ARSG: variants seen among roughly 807,000 people sequenced by gnomAD.
ARSG encodes ASG.
A neutral mutation model predicts 50.5 loss-of-function variants in ARSG; 37 were observed. The observed-to-expected ratio is 0.73, with a 90% CI of 0.56 to 0.96. The LOEUF (loss-of-function observed/expected upper bound fraction) is 0.96. ARSG is among the 50% of genes least tolerant of loss of function. The pLI is 0.00. For synonymous variants in ARSG, 225 were observed against 254.6 expected (o/e 0.88, Z 1.11); for missense variants, 629 against 675.3 (o/e 0.93, Z 0.76).
intron 6 of ARSG, among the ~76,000 whole-genome samples, chr17:68,358,445 T>C (rs1483988543): frequency 6.6e-6 from 1 of 151,906 alleles, no homozygotes; most frequent in Non-Finnish European, 1.5e-5. Flanking sequence ...TCCCAGCACT[T>C]TGGGAGGCCA....
At chr17:68,292,441 A>G (rs189227973) in intron 1 of ARSG, among the ~76,000 whole-genome samples, 3 of 152,272 alleles carry the variant, frequency 2.0e-5, no homozygotes, top group African/African-American at 7.2e-5. Flanking sequence ...GATCCTAGAC[A>G]TTTCAGAGCC....
intron 1 of ARSG, chr17:68,274,234 G>A: frequency 1.6e-6 from 1 of 635,038 alleles, no homozygotes; most frequent in Non-Finnish European, 2.6e-6. Context: ...GGGAGGTTGA[G>A]GACGGAGGAT....
Position 68,367,119 on chromosome 17 carries a change from A to G in ARSG, c.705-1429A>G, listed in dbSNP as rs889210005. ...CATTAATTTAAATCTAAATAGGTAC[A>G]TGTGACTTGTGGCTGCTGCCCTGAA... On this transcript the variant is annotated intron_variant, in intron 6 of 11. Coordinates refer to ENST00000621439, the MANE Select transcript of ARSG (RefSeq NM_001267727.2). This position sits in a 1 kb window ranked among gnomAD's most constrained non-coding sequence, Gnocchi z 4.5. 1.3e-5 allele frequency among the ~76,000 whole-genome samples: 2 copies of G among 152,252 alleles called. No homozygotes were observed. Among genetic ancestry groups the G allele is most frequent in the African/African-American group, 4.8e-5 (2 of 41,466 alleles).
At chr17:68,304,617 C>T (rs1243052910) in intron 1 of ARSG, among the ~76,000 whole-genome samples, 13 of 152,188 alleles carry the variant, frequency 8.5e-5, no homozygotes, top group African/African-American at 3.1e-4. Context: ...CCAGGCCTAT[C>T]TTTTTTACAC....
intron 1 of ARSG, among the ~76,000 whole-genome samples, chr17:68,303,309 A>G (rs896187384): frequency 6.6e-6 from 1 of 152,066 alleles, no homozygotes; most frequent in African/African-American, 2.4e-5. Flanking sequence ...ATTTTTTTGT[A>G]GAGATCAGGT....
intron 1 of ARSG, chr17:68,267,065 A>G (rs555727208): frequency 6.6e-6 from 1 of 152,312 alleles, no homozygotes; most frequent in South Asian, 2.1e-4. Context: ...TTGCAAATCT[A>G]GAAGTACCAG....
chr17:68,369,314 C>T (rs556620321), intron 7 of ARSG, among the ~76,000 whole-genome samples: 16 of 152,080 alleles, frequency 1.1e-4, no homozygotes, highest in Non-Finnish European at 1.6e-4. Context: ...CTGAGGCAGG[C>T]GGATCACCTG....
downstream of ARSG, chr17:68,426,196 A>G (rs1040367478): frequency 6.6e-7 from 1 of 1,522,440 alleles, no homozygotes; most frequent in South Asian, 1.1e-5. Context: ...AGAAAGAGAC[A>G]TGAAACAAGC....
chr17:68,416,799 G>A (rs576223292), intron 11 of ARSG, among the ~76,000 whole-genome samples: 1 of 148,438 alleles, frequency 6.7e-6, no homozygotes, highest in African/African-American at 2.4e-5. Flanking sequence ...CTAGAAGTAT[G>A]TCCAATGTTT....
intron 6 of ARSG, among the ~76,000 whole-genome samples, chr17:68,365,204 C>T (rs897310295): frequency 6.6e-6 from 1 of 152,044 alleles, no homozygotes. Flanking sequence ...CCCAGCTACT[C>T]GGGAGGCTGA....
intron 6 of ARSG, among the ~76,000 whole-genome samples, chr17:68,359,257 A>G (rs1378658316): frequency 6.6e-6 from 1 of 152,204 alleles, no homozygotes; most frequent in Non-Finnish European, 1.5e-5. Flanking sequence ...TCTCTAATAA[A>G]TCATATACGT....
At chr17:68,321,117 C>G (rs1365291304) in intron 2 of ARSG, among the ~76,000 whole-genome samples, 1 of 152,098 alleles carries the variant, frequency 6.6e-6, no homozygotes, top group Non-Finnish European at 1.5e-5. Flanking sequence ...CTGCAGTGCA[C>G]TATCCTTGCT....
At chr17:68,295,671 ATTTTTTTTTT>A (rs56840354) in intron 1 of ARSG, among the ~76,000 whole-genome samples, 2 of 114,540 alleles carry the variant, frequency 1.7e-5, no homozygotes, top group Non-Finnish European at 1.7e-5. Flanking sequence ...TCTAAGACAA[ATTTTTTTTTT>A]TTTTTTTTTT....
At position 68,385,048 on chromosome 17, in the gene ARSG, TC is replaced by T. The variant is rs758873076; in HGVS notation, c.983-12del. On this transcript the variant is annotated splice_polypyrimidine_tract_variant and intron_variant, in intron 8 of 11. Coordinates refer to ENST00000621439, the MANE Select transcript of ARSG (RefSeq NM_001267727.2). ...TATCACCATGGATGAACCAGCTGCCTCCCCTCCTCTCACAGGGGGAAGTCCA... is the reference window on the plus strand; with the variant it reads ...TATCACCATGGATGAACCAGCTGCCTCCCTCCTCTCACAGGGGGAAGTCCA... 1.6e-5 allele frequency: 25 copies of T among 1,605,290 alleles called. No individual in the cohort carries two copies. The highest frequency in any genetic ancestry group is 2.1e-5 in the Non-Finnish European group (25 of 1,172,276).
chr17:68,444,969 G>C, the ARSG span, among the ~76,000 whole-genome samples: 38,546 of 141,962 alleles, frequency 0.27, 5,273 homozygotes, highest in Admixed American at 0.32. Context: ...CACCCAGACT[G>C]GAGTGCAGTG....
intron 2 of ARSG, among the ~76,000 whole-genome samples, chr17:68,327,592 C>T (rs1555772914): frequency 1.3e-5 from 2 of 152,206 alleles, no homozygotes; most frequent in Non-Finnish European, 2.9e-5. Context: ...ATAAGGACAA[C>T]AGTTACATTG....
chr17:68,390,274 C>T (rs1302216521), intron 9 of ARSG, among the ~76,000 whole-genome samples: 13 of 152,144 alleles, frequency 8.5e-5, no homozygotes, highest in Admixed American at 8.5e-4. Context: ...GCCACCACTG[C>T]CCCATCTCCA....
At chr17:68,434,745 C>T in the ARSG span, 13 of 959,684 alleles carry the variant, frequency 1.4e-5, no homozygotes, top group East Asian at 2.6e-4. Flanking sequence ...GGAAGAACAC[C>T]ACGTTGAGCA....
At chr17:68,283,627 C>T (rs1317359432) in intron 1 of ARSG, among the ~76,000 whole-genome samples, 1 of 151,810 alleles carries the variant, frequency 6.6e-6, no homozygotes, top group Non-Finnish European at 1.5e-5. Flanking sequence ...TTGAAACCAG[C>T]CTGACCAACA....
Sources: allele counts gnomAD v4.1 joint callset (sites outside exome capture counted in the v4.1 genomes callset), GRCh38; gene constraint gnomAD v4.1.1; non-coding constraint Gnocchi (gnomAD v3.1); transcripts MANE v1.5; gene names NCBI Gene and HGNC (gene_info 2026-07-23, HGNC 2026-07-21).